The following HERC2 variants were observed in gnomAD, a reference collection of about 807,000 sequenced individuals.
HERC2 encodes HECT and RLD domain containing E3 ubiquitin protein ligase 2, also known as E3 ubiquitin-protein ligase HERC2.
HERC2 carries 102 observed loss-of-function variants against 537.7 expected under a neutral mutation model. The observed-to-expected ratio is 0.19, with a 90% CI of 0.16 to 0.22. HERC2 has a LOEUF of 0.22. Ranked by LOEUF, HERC2 falls within the 10% of genes least tolerant of loss-of-function variation. The pLI is 1.00. For missense variants in HERC2, 4,236 were observed against 6,198.2 expected (o/e 0.68, Z 10.63); for synonymous variants, 2,224 against 2,466.2 (o/e 0.90, Z 2.91).
intron 23 of HERC2, 54 bp downstream of exon 23, chr15:28,245,827 G>A: frequency 1.4e-6 from 2 of 1,433,270 alleles, no homozygotes; most frequent in South Asian, 1.2e-5. Context: ...GCAAGAATAG[G>A]TTAGACAAGG....
At chr15:28,292,543 C>T (rs1443456366) in intron 4 of HERC2, among the ~76,000 whole-genome samples, 2 of 152,068 alleles carry the variant, frequency 1.3e-5, no homozygotes, top group Non-Finnish European at 2.9e-5. Context: ...GTGCCAGGTG[C>T]GATGGCTCAC....
In HERC2 at chr15:28,213,929, A is replaced by AC; in HGVS notation, c.6598dup (p.Val2200GlyfsTer28). The stretch of plus-strand genomic sequence containing the variant: ...AGCCAGGACTGCCATGAGGCCCCCC[A>AC]CTTCAGGGTTCTCGGAGTCGGGGAA... On this transcript the variant is annotated frameshift_variant, in exon 42 of 93. Coordinates refer to ENST00000261609, the MANE Select transcript of HERC2 (RefSeq NM_004667.6). LOFTEE classifies it high-confidence loss of function. The AC allele has an allele frequency of 6.2e-7, 1 of 1,612,246 alleles. No homozygotes were observed. The highest frequency in any genetic ancestry group is 8.5e-7 in the Non-Finnish European group (1 of 1,179,514).
chr15:28,142,179 C>A (rs1891292406), intron 76 of HERC2, 59 bp downstream of exon 76: 1 of 1,564,868 alleles, frequency 6.4e-7, no homozygotes, highest in African/African-American at 1.4e-5. Context: ...CATCTTGTTA[C>A]ACTATAGCTA....
intron 2 of HERC2, among the ~76,000 whole-genome samples, chr15:28,309,049 A>AT (rs1314277514): frequency 6.6e-6 from 1 of 152,230 alleles, no homozygotes; most frequent in African/African-American, 2.4e-5. Flanking sequence ...CAAGGTTTGA[A>AT]TTTTTAATGA....
At chr15:28,133,626 G>A (rs778357012) in intron 79 of HERC2, among the ~76,000 whole-genome samples, 8 of 152,256 alleles carry the variant, frequency 5.3e-5, no homozygotes, top group Non-Finnish European at 8.8e-5. Context: ...GTTTGGATAT[G>A]GTGTAAAGTA....
chr15:28,218,750 T>A, intron 37 of HERC2, 79 bp from the exon 38 acceptor site: 1 of 1,193,104 alleles, frequency 8.4e-7, no homozygotes, highest in Non-Finnish European at 1.2e-6. Context: ...TCAACAGCTT[T>A]AATATTACAT....
intron 83 of HERC2, among the ~76,000 whole-genome samples, chr15:28,127,099 G>A (rs75362608): frequency 0.013 from 1,947 of 152,300 alleles, 40 homozygotes; most frequent in African/African-American, 0.045. Context: ...GAGACTCCTC[G>A]GGTGTCTGGA....
At chr15:28,187,524 G>C (rs978219620) in intron 55 of HERC2, among the ~76,000 whole-genome samples, 1 of 151,988 alleles carries the variant, frequency 6.6e-6, no homozygotes, top group Non-Finnish European at 1.5e-5. Flanking sequence ...GTAGAGACAA[G>C]GTTTCACCAT....
intron 30 of HERC2, among the ~76,000 whole-genome samples, chr15:28,231,017 T>C (rs1901781883): frequency 6.6e-6 from 1 of 151,410 alleles, no homozygotes; most frequent in Non-Finnish European, 1.5e-5. Context: ...AAGCAAGAGG[T>C]AGAATTTGGC....
chr15:28,272,497 T>C (rs77182473), intron 8 of HERC2, 111 bp from the exon 9 acceptor site: 20 of 1,027,252 alleles, frequency 1.9e-5, no homozygotes, highest in Admixed American at 2.6e-5. Flanking sequence ...TACTTGGGAT[T>C]TGAAAGGAAA....
chr15:28,270,047 C>T (rs1370992455), intron 10 of HERC2, among the ~76,000 whole-genome samples: 4 of 152,118 alleles, frequency 2.6e-5, no homozygotes, highest in Admixed American at 6.5e-5. Flanking sequence ...CTGCAACCTC[C>T]GCCTCCCGGG....
At chr15:28,191,492 T>C (rs558153872) in intron 53 of HERC2, among the ~76,000 whole-genome samples, 1 of 152,282 alleles carries the variant, frequency 6.6e-6, no homozygotes, top group East Asian at 1.9e-4. Flanking sequence ...AGGGTGGTCC[T>C]TTTACCCACC....
intron 17 of HERC2, 124 bp from the exon 18 acceptor site, chr15:28,256,441 T>G: frequency 1.3e-6 from 1 of 788,274 alleles, no homozygotes; most frequent in Non-Finnish European, 2.0e-6. Context: ...TCAGTTTATG[T>G]ATTTTTAAAA....
At chr15:28,148,360 AAC>A (rs1236781766) in intron 70 of HERC2, among the ~76,000 whole-genome samples, 2 of 152,226 alleles carry the variant, frequency 1.3e-5, no homozygotes, top group Non-Finnish European at 2.9e-5. Context: ...TAAAAAAAGA[AAC>A]AGAGGTAGAA....
Position 28,176,801 on chromosome 15 carries a change from G to A in HERC2, c.9433-33C>T, listed in dbSNP as rs750978551. The A allele has an allele frequency of 6.2e-6, 10 of 1,600,198 alleles. No homozygotes were observed. The highest frequency in any genetic ancestry group is 3.3e-5 in the South Asian group (3 of 90,766). ...ATTACAAATTTAAAAACAGAATCACGCACAGGCACGGAGAAAGCAATGGAT... is the reference window on the plus strand; with the variant it reads ...ATTACAAATTTAAAAACAGAATCACACACAGGCACGGAGAAAGCAATGGAT... On this transcript the variant is annotated intron_variant, in intron 61 of 92. Coordinates refer to ENST00000261609, the MANE Select transcript of HERC2 (RefSeq NM_004667.6). The surrounding 1 kb of genome is among the most constrained non-coding windows in gnomAD (Gnocchi z 5.0).
At chr15:28,210,778 T>C (rs1456055372) in intron 44 of HERC2, among the ~76,000 whole-genome samples, 4 of 152,100 alleles carry the variant, frequency 2.6e-5, no homozygotes, top group Admixed American at 2.0e-4. Flanking sequence ...TGGGAAGGCA[T>C]GAAAATACCT....
chr15:28,200,695 C>G (rs1286755162), intron 48 of HERC2, among the ~76,000 whole-genome samples: 1 of 151,754 alleles, frequency 6.6e-6, no homozygotes, highest in African/African-American at 2.4e-5. Context: ...TCTGAGAAAA[C>G]TGGAAAACTA....
At chr15:28,155,919 C>A (rs1418979466) in intron 69 of HERC2, among the ~76,000 whole-genome samples, 4 of 152,064 alleles carry the variant, frequency 2.6e-5, no homozygotes, top group Non-Finnish European at 4.4e-5. Flanking sequence ...GTCTTTAACC[C>A]ATCTTGAATT....
intron 56 of HERC2, among the ~76,000 whole-genome samples, chr15:28,183,219 G>C (rs1895991940): frequency 1.3e-5 from 2 of 151,978 alleles, no homozygotes; most frequent in African/African-American, 4.8e-5. Context: ...TTTATTTTTT[G>C]TTTGTTTTGA....
Sources: allele counts gnomAD v4.1 joint callset (sites outside exome capture counted in the v4.1 genomes callset), GRCh38; gene constraint gnomAD v4.1.1; non-coding constraint Gnocchi (gnomAD v3.1); transcripts MANE v1.5; gene names NCBI Gene and HGNC (gene_info 2026-07-23, HGNC 2026-07-21).